JAK1: variants seen among roughly 807,000 people sequenced by gnomAD.
JAK1 encodes the protein tyrosine-protein kinase JAK1.
In JAK1, 16 loss-of-function variants were observed where a neutral mutation model predicts 136.6. The ratio of observed to expected loss-of-function variants is 0.12; its 90% CI spans 0.08 to 0.18. JAK1 has a LOEUF of 0.18. Ranked by LOEUF, JAK1 falls within the 10% of genes least tolerant of loss-of-function variation. JAK1 has a pLI of 1.00. For missense variants in JAK1, 859 were observed against 1,450.1 expected (o/e 0.59, Z 6.62); for synonymous variants, 492 against 519.5 (o/e 0.95, Z 0.72).
chr1:65,003,859 A>G (rs1433178325), intron 2 of JAK1: 1 of 152,260 alleles, frequency 6.6e-6, no homozygotes, highest in Non-Finnish European at 1.5e-5. Context: ...CAATCCATGC[A>G]CTCAAATAGG....
chr1:64,863,966 G>T (rs536522321), intron 8 of JAK1, among the ~76,000 whole-genome samples: 1 of 152,310 alleles, frequency 6.6e-6, no homozygotes, highest in Non-Finnish European at 1.5e-5. Flanking sequence ...ATATTTTCAA[G>T]GCTTTTAACA....
chr1:65,011,979 A>G (rs1274475658), intron 2 of JAK1, among the ~76,000 whole-genome samples: 1 of 152,170 alleles, frequency 6.6e-6, no homozygotes, highest in Non-Finnish European at 1.5e-5. Flanking sequence ...AAGAGGAAAG[A>G]GAGCAAAATA....
intron 1 of JAK1, among the ~76,000 whole-genome samples, chr1:64,938,251 C>A (rs1055625573): frequency 3.3e-5 from 5 of 151,990 alleles, no homozygotes; most frequent in African/African-American, 1.2e-4. Context: ...AAAAAATACT[C>A]TTTCGTAAAG....
At chr1:64,985,361 C>T in intron 2 of JAK1, 1 of 1,611,330 alleles carries the variant, frequency 6.2e-7, no homozygotes. Context: ...TCCTTGCACT[C>T]TCATCTTTCA....
chr1:65,031,176 A>C (rs1057373622), intron 2 of JAK1, among the ~76,000 whole-genome samples: 1 of 148,044 alleles, frequency 6.8e-6, no homozygotes, highest in Non-Finnish European at 1.5e-5. Context: ...AAAAAAAAAA[A>C]GGAAAAATAG....
intron 1 of JAK1, among the ~76,000 whole-genome samples, chr1:64,892,595 C>T (rs17390852): frequency 0.053 from 8,088 of 152,244 alleles, 325 homozygotes; most frequent in Admixed American, 0.14. Flanking sequence ...ACAATATGTG[C>T]TTTTTAATCA....
intron 1 of JAK1, among the ~76,000 whole-genome samples, chr1:64,934,504 T>C (rs1569604797): frequency 6.6e-6 from 1 of 152,074 alleles, no homozygotes; most frequent in Non-Finnish European, 1.5e-5. Flanking sequence ...AAAACAACAG[T>C]GAAGGAAGAG....
At chr1:65,052,118 ATTT>A (rs71056073) in intron 1 of JAK1, among the ~76,000 whole-genome samples, 20 of 93,572 alleles carry the variant, frequency 2.1e-4, no homozygotes, top group Admixed American at 3.9e-4. Flanking sequence ...ACGCCTGGCT[ATTT>A]TTTTTTTTTT....
chr1:64,939,033 T>C (rs1645840685), intron 1 of JAK1, among the ~76,000 whole-genome samples: 1 of 152,228 alleles, frequency 6.6e-6, no homozygotes, highest in African/African-American at 2.4e-5. Context: ...TGGAGTGCAA[T>C]GGCATGACCA....
At chr1:64,847,481 G>A (rs1453819477) in intron 13 of JAK1, 51 bp downstream of exon 13, 2 of 1,606,406 alleles carry the variant, frequency 1.2e-6, no homozygotes, top group Non-Finnish European at 1.7e-6. Context: ...GTGTTCCACT[G>A]GCTCCAGAAA....
intron 2 of JAK1, among the ~76,000 whole-genome samples, chr1:64,997,148 A>T (rs1337857031): frequency 6.6e-6 from 1 of 152,244 alleles, no homozygotes; most frequent in Non-Finnish European, 1.5e-5. Flanking sequence ...ATAATCTCTG[A>T]ATGAAGGTAA....
At position 65,000,514 on chromosome 1, in the gene JAK1, AT is replaced by A. The variant is rs1468001817; in HGVS notation, c.-78+43965del. On this transcript the variant is annotated intron_variant, in intron 2 of 25. Transcript: ENST00000671954. ...ACCCCATCTCTTAAAAAAAAAAAAA[AT>A]AACTACAAAGCTGCACACTCCAGTC... is the stretch of plus-strand genomic sequence containing the variant. Among the ~76,000 whole-genome samples, 44 of 151,780 alleles carry A rather than the reference AT, an allele frequency of 2.9e-4. No homozygotes were observed. The South Asian group carries it at 4.2e-3, about 14-fold the overall frequency.
chr1:64,903,601 G>A (rs1645144896), intron 1 of JAK1, among the ~76,000 whole-genome samples: 1 of 152,210 alleles, frequency 6.6e-6, no homozygotes, highest in Non-Finnish European at 1.5e-5. Flanking sequence ...TGGCTTTTCA[G>A]TCAGGAGGTA....
chr1:64,856,383 A>G (rs1655931634), intron 10 of JAK1, among the ~76,000 whole-genome samples: 1 of 152,228 alleles, frequency 6.6e-6, no homozygotes, highest in African/African-American at 2.4e-5. Context: ...CATCTGTACA[A>G]TGGGATAATA....
In JAK1 at chr1:64,869,321, TGGG is replaced by T. The variant is rs1432824767; in HGVS notation, c.634_636del (p.Pro212del). 6 of 1,613,802 alleles carry T rather than the reference TGGG, an allele frequency of 3.7e-6. No individual in the cohort carries two copies. Among genetic ancestry groups the T allele is most frequent in the Non-Finnish European group, 5.1e-6 (6 of 1,179,900 alleles). The stretch of plus-strand genomic sequence containing the variant: ...AGTGGGAAGCTTTACCTGATGTCCT[TGGG>T]CAGTTCTGGCAACTGCATCTTCTTC... On this transcript the variant is annotated inframe_deletion, in exon 6 of 25. Coordinates refer to ENST00000342505, the MANE Select transcript of JAK1 (RefSeq NM_002227.4).
intron 2 of JAK1, among the ~76,000 whole-genome samples, chr1:64,994,010 A>G (rs779727325): frequency 2.6e-5 from 4 of 152,150 alleles, no homozygotes; most frequent in Admixed American, 6.6e-5. Flanking sequence ...GTGTAATCAC[A>G]GTTTACTACA....
chr1:64,878,498 C>G (rs1644710645), intron 4 of JAK1, among the ~76,000 whole-genome samples: 1 of 143,314 alleles, frequency 7.0e-6, no homozygotes, highest in Non-Finnish European at 1.5e-5. Context: ...GTTTCTCGAG[C>G]TTTTTAGTTG....
In JAK1 at chr1:64,845,567, G is replaced by T; in HGVS notation, c.2061C>A (p.Thr687=). The change falls in exon 15 of 25, where the codon ACC becomes ACA. Residue 687 remains threonine (T), a synonymous_variant. Transcript: ENST00000342505. ...LFMHRKSDVL[T]TPWKFKVAKQ... is the part of the protein sequence containing the mutation. ...TGGCAACTTTGAATTTCCATGGTGT[G>T]GTAAGGACATCGCTTTTCCGGTGCA... 2 of 1,614,112 alleles carry T rather than the reference G, an allele frequency of 1.2e-6. No homozygotes were observed. The highest frequency in any genetic ancestry group is 1.7e-6 in the Non-Finnish European group (2 of 1,179,996).
chr1:64,951,922 G>C (rs561179236), intron 1 of JAK1, among the ~76,000 whole-genome samples: 1 of 152,212 alleles, frequency 6.6e-6, no homozygotes, highest in Non-Finnish European at 1.5e-5. Flanking sequence ...CTCCCAAAGT[G>C]CTGGGATTAC....
Sources: allele counts gnomAD v4.1 joint callset (sites outside exome capture counted in the v4.1 genomes callset), GRCh38; gene constraint gnomAD v4.1.1; transcripts MANE v1.5; gene names NCBI Gene and HGNC (gene_info 2026-07-23, HGNC 2026-07-21).